Variants in DMTF1 observed in about 807,000 individuals in gnomAD.
DMTF1 encodes the protein cyclin D binding myb like transcription factor 1.
DMTF1 carries 39 observed loss-of-function variants against 91.1 expected under a neutral mutation model. The observed-to-expected ratio is 0.43, with a 90% CI of 0.33 to 0.56. DMTF1 has a LOEUF of 0.56. DMTF1 is among the 20% of genes least tolerant of loss of function. DMTF1 has a pLI of 0.05. For missense variants in DMTF1, 750 were observed against 914.5 expected (o/e 0.82, Z 2.32); for synonymous variants, 338 against 309.5 (o/e 1.09, Z -0.97).
At chr7:87,161,606 A>C (rs112035822) in intron 1 of DMTF1, among the ~76,000 whole-genome samples, 1,650 of 152,362 alleles carry the variant, frequency 0.011, 29 homozygotes, top group African/African-American at 0.037. Context: ...TGATTGAACA[A>C]ATAAGCTTGA....
chr7:87,185,789 AT>A (rs1562840045), intron 11 of DMTF1, 39 bp from the exon 12 acceptor site: 1 of 1,610,900 alleles, frequency 6.2e-7, no homozygotes, highest in Non-Finnish European at 8.5e-7. Flanking sequence ...TTATAGAGAA[AT>A]TAATTTAATG....
chr7:87,195,199 T>G lies in DMTF1; in HGVS notation c.*59T>G. On this transcript the variant is annotated 3_prime_UTR_variant, in exon 18 of 18. Transcript: ENST00000331242. ...AAGGCACACTGTTAATTACAACCTCTTCAAAGAAATAGGAGCAACCCCCAA... is the reference window on the plus strand; with the variant it reads ...AAGGCACACTGTTAATTACAACCTCGTCAAAGAAATAGGAGCAACCCCCAA... 1 of 1,235,216 alleles carries G rather than the reference T, an allele frequency of 8.1e-7. No individual in the cohort carries two copies. The highest frequency in any genetic ancestry group is 1.2e-6 in the Non-Finnish European group (1 of 849,510). 76.5% of individuals were successfully genotyped at this position (1,235,216 alleles called of 1,614,324 possible). A position where few individuals can be genotyped will look rare whatever the true frequency, so the allele number is the denominator to read the frequency against.
rs776833410 is a variant in DMTF1 at position 87,173,697 on chromosome 7, TAGAA to T, written c.442+51_442+54del. On this transcript the variant is annotated intron_variant, in intron 6 of 17. Transcript: ENST00000331242. ...AGTGCCTAGTGAAAAAAAATGGAGA[TAGAA>T]AGGGCTTATAGTCATCAGGATTCTG... The T allele has an allele frequency of 1.5e-5, 18 of 1,235,712 alleles. No homozygotes were observed. In the African/African-American group the frequency reaches 1.5e-4, roughly 10 times the overall value. 76.5% of individuals were successfully genotyped at this position (1,235,712 alleles called of 1,614,324 possible). A position where few individuals can be genotyped will look rare whatever the true frequency, so the allele number is the denominator to read the frequency against.
At chr7:87,166,419 T>C in intron 3 of DMTF1, 64 bp from the exon 4 acceptor site, 3 of 1,526,944 alleles carry the variant, frequency 2.0e-6, no homozygotes, top group Non-Finnish European at 2.7e-6. Flanking sequence ...TGTAGAGCCA[T>C]TGTTAGAGAT....
intron 4 of DMTF1, among the ~76,000 whole-genome samples, chr7:87,167,646 C>G (rs1794130672): frequency 6.6e-6 from 1 of 152,154 alleles, no homozygotes; most frequent in Admixed American, 6.5e-5. Flanking sequence ...CTAAATTGAA[C>G]AGAAAAACTT....
At chr7:87,166,728 C>A in intron 4 of DMTF1, 123 bp downstream of exon 4, 1 of 933,636 alleles carries the variant, frequency 1.1e-6, no homozygotes, top group Non-Finnish European at 1.7e-6. Flanking sequence ...TTTAGTCAAA[C>A]CACCTCTTTT....
chr7:87,169,374 G>C (rs768999970), intron 4 of DMTF1, among the ~76,000 whole-genome samples: 8 of 152,154 alleles, frequency 5.3e-5, no homozygotes, highest in Non-Finnish European at 1.0e-4. Flanking sequence ...TGGGAGAATT[G>C]CTTGAGCCTG....
intron 4 of DMTF1, among the ~76,000 whole-genome samples, chr7:87,167,076 A>G (rs1793996960): frequency 6.6e-6 from 1 of 152,222 alleles, no homozygotes. Flanking sequence ...TTTATAAGTC[A>G]GGAAACTGAG....
chr7:87,194,119 G>C lies in DMTF1; in HGVS notation c.2028+17G>C. On this transcript the variant is annotated intron_variant, in intron 16 of 17. Transcript: ENST00000331242. Reference sequence around the variant, plus strand: ...GTTACTGAGGTAAGTTGTACTTTAAGAACAACTGAATGGATTCTTGCCTTG... The same window carrying C: ...GTTACTGAGGTAAGTTGTACTTTAACAACAACTGAATGGATTCTTGCCTTG... 1 of 1,542,314 alleles carries C rather than the reference G, an allele frequency of 6.5e-7. No homozygotes were observed. The highest frequency in any genetic ancestry group is 8.7e-7 in the Non-Finnish European group (1 of 1,147,538).
At chr7:87,181,454 C>A in intron 9 of DMTF1, 113 bp downstream of exon 9, 1 of 530,722 alleles carries the variant, frequency 1.9e-6, no homozygotes, top group Non-Finnish European at 3.5e-6. Flanking sequence ...TTGAATTGTG[C>A]TATTAAGCAT....
chr7:87,173,209 T>G (rs944855021), intron 5 of DMTF1, among the ~76,000 whole-genome samples: 7 of 152,166 alleles, frequency 4.6e-5, no homozygotes, highest in African/African-American at 1.7e-4. Flanking sequence ...TCCCTGAATA[T>G]TCTATGTTGA....
intron 7 of DMTF1, among the ~76,000 whole-genome samples, chr7:87,175,474 T>C (rs998595939): frequency 3.3e-5 from 5 of 152,196 alleles, no homozygotes; most frequent in Non-Finnish European, 7.3e-5. Context: ...TTTTAAGGCT[T>C]TGGATTGTGT....
intron 8 of DMTF1, 95 bp downstream of exon 8, chr7:87,179,797 TATTA>T (rs1364900850): frequency 9.4e-6 from 11 of 1,166,670 alleles, no homozygotes; most frequent in East Asian, 5.4e-5. Context: ...ATGGTCAAGG[TATTA>T]ATTGTTGTTA....
At chr7:87,159,288 A>G (rs1791595763) in intron 1 of DMTF1, among the ~76,000 whole-genome samples, 2 of 152,198 alleles carry the variant, frequency 1.3e-5, no homozygotes. Context: ...AACACATCTG[A>G]TAGTTCTTTC....
At chr7:87,184,688 T>C in intron 11 of DMTF1, 63 bp downstream of exon 11, 1 of 1,445,108 alleles carries the variant, frequency 6.9e-7, no homozygotes, top group African/African-American at 1.4e-5. Flanking sequence ...CTTGATAGAC[T>C]TTCCTCTTTT....
intron 1 of DMTF1, chr7:87,162,953 C>T (rs1402480941): frequency 2.6e-5 from 4 of 151,686 alleles, no homozygotes; most frequent in Non-Finnish European, 2.9e-5. Context: ...CTTTTCTGGC[C>T]TAATTGTTTA....
intron 1 of DMTF1, chr7:87,154,358 A>C (rs1257322067): frequency 6.6e-6 from 1 of 152,598 alleles, no homozygotes; most frequent in African/African-American, 2.4e-5. Flanking sequence ...GTATGCCACC[A>C]AACAAGCTAA....
intron 1 of DMTF1, 108 bp from the exon 2 acceptor site, chr7:87,163,387 C>T (rs1793003211): frequency 6.6e-6 from 1 of 152,240 alleles, no homozygotes; most frequent in African/African-American, 2.4e-5. Flanking sequence ...CTTACTCTTC[C>T]AGATGAGATA....
chr7:87,171,356 ATTTG>A (rs1584304260), intron 5 of DMTF1, among the ~76,000 whole-genome samples: 1 of 152,192 alleles, frequency 6.6e-6, no homozygotes, highest in Non-Finnish European at 1.5e-5. Context: ...AATTTCTAGT[ATTTG>A]TTTAATAAGA....
Sources: allele counts gnomAD v4.1 joint callset (sites outside exome capture counted in the v4.1 genomes callset), GRCh38; gene constraint gnomAD v4.1.1; transcripts MANE v1.5; gene names NCBI Gene and HGNC (gene_info 2026-07-23, HGNC 2026-07-21).